The following TLN2 variants were observed in gnomAD, a reference collection of about 807,000 sequenced individuals.
TLN2 encodes the protein talin-2.
In TLN2, 118 loss-of-function variants were observed where a neutral mutation model predicts 294.7. The ratio of observed to expected loss-of-function variants is 0.40; its 90% CI spans 0.34 to 0.47. The LOEUF (loss-of-function observed/expected upper bound fraction) is 0.47. TLN2 is among the 20% of genes least tolerant of loss of function. The pLI, the probability that TLN2 is intolerant of heterozygous loss-of-function variation, is 0.84. For missense variants in TLN2, 3,083 were observed against 3,282.2 expected (o/e 0.94, Z 1.48); for synonymous variants, 1,431 against 1,304.5 (o/e 1.10, Z -2.09).
rs2070764485 is a variant in TLN2, at chr15:62,842,062, T to C, written c.*1452T>C. 1 of 152,146 alleles carries C rather than the reference T, an allele frequency of 6.6e-6. No homozygotes were observed. Among genetic ancestry groups the C allele is most frequent in the Admixed American group, 6.6e-5 (1 of 15,266 alleles). The allele number at this position is 152,146 out of a possible 1,614,324, so 9.4% of individuals were successfully genotyped here. On this transcript the variant is annotated 3_prime_UTR_variant, in exon 59 of 59. Transcript: ENST00000636159. ...CCACTGACGGGGGAAAGTTGGTGCT[T>C]TGGTCCTCCGAAGATGTCACCTTTC...
At chr15:62,676,041 A>G (rs1483880992) in intron 11 of TLN2, among the ~76,000 whole-genome samples, 2 of 152,188 alleles carry the variant, frequency 1.3e-5, no homozygotes, top group Non-Finnish European at 2.9e-5. Flanking sequence ...GCTCTAACTT[A>G]TAGTCAGTCT....
At chr15:62,604,526 A>C (rs1329638418) in intron 2 of TLN2, among the ~76,000 whole-genome samples, 1 of 110,526 alleles carries the variant, frequency 9.0e-6, no homozygotes, top group African/African-American at 4.0e-5. Context: ...CCTTGTCTTA[A>C]AAAAAAAAAA....
chr15:62,800,389 A>G lies in TLN2; in HGVS notation c.6256A>G (p.Lys2086Glu), dbSNP rs1596042121. The change falls in exon 49 of 59, where the codon AAA (lysine) becomes GAA (glutamate). Residue 2086 changes from lysine to glutamate, a missense_variant. By Grantham distance (56) the Lys-to-Glu change is moderately conservative (BLOSUM62 1). Coordinates refer to ENST00000636159, the MANE Select transcript of TLN2 (RefSeq NM_015059.3). ...TCAGGTGGTTTTGATCAATGCCATCAAAGATGTGGCCAAGGCCCTTTCTGA... is the reference window on the plus strand; with the variant it reads ...TCAGGTGGTTTTGATCAATGCCATCGAAGATGTGGCCAAGGCCCTTTCTGA... ...ETQVVLINAI[K>E]DVAKALSDLI... 6.2e-7 allele frequency: 1 copy of G among 1,614,114 alleles called. No individual in the cohort carries two copies. The highest frequency in any genetic ancestry group is 8.5e-7 in the Non-Finnish European group (1 of 1,180,034).
At chr15:62,704,625 A>G (rs1177931041) in intron 19 of TLN2, among the ~76,000 whole-genome samples, 1 of 152,170 alleles carries the variant, frequency 6.6e-6, no homozygotes, top group Non-Finnish European at 1.5e-5. Flanking sequence ...ATGTACAGAC[A>G]TTCGTGTCAT....
In TLN2 at chr15:62,538,406, C is replaced by G. The variant is rs142049767; in HGVS notation, c.-237-51281C>G. Among the ~76,000 whole-genome samples the G allele has an allele frequency of 3.9e-3, 592 of 152,328 alleles. 6 individuals carry two copies. The highest frequency in any genetic ancestry group is 0.014 in the African/African-American group (569 of 41,576). On this transcript the variant is annotated intron_variant, in intron 1 of 58. Coordinates refer to ENST00000636159, the MANE Select transcript of TLN2 (RefSeq NM_015059.3). ...CCACTTCAAACTATTGTCATCAATA[C>G]TTTGCATTGAATGCAATATAATTAC... is the stretch of plus-strand genomic sequence containing the variant.
chr15:62,712,708 G>C (rs1371872566), intron 22 of TLN2, among the ~76,000 whole-genome samples: 1 of 151,900 alleles, frequency 6.6e-6, no homozygotes, highest in Non-Finnish European at 1.5e-5. Flanking sequence ...TGATTCACAA[G>C]GTCACTGGTA....
intron 1 of TLN2, among the ~76,000 whole-genome samples, chr15:62,508,626 A>C (rs952572766): frequency 6.6e-6 from 1 of 152,276 alleles, no homozygotes; most frequent in Non-Finnish European, 1.5e-5. Flanking sequence ...TTAGAGAAAT[A>C]CGATTTATCA....
chr15:62,771,734 A>G (rs970239446), intron 42 of TLN2, among the ~76,000 whole-genome samples: 1 of 152,216 alleles, frequency 6.6e-6, no homozygotes, highest in African/African-American at 2.4e-5. Context: ...TTCTTCAGGA[A>G]TAGTGAGTGG....
intron 1 of TLN2, among the ~76,000 whole-genome samples, chr15:62,540,919 C>T (rs2041646739): frequency 6.6e-6 from 1 of 152,084 alleles, no homozygotes; most frequent in South Asian, 2.1e-4. Flanking sequence ...GAGGTATTTC[C>T]CCAGTCCAAC....
chr15:62,693,643 T>C (rs1014960284), intron 13 of TLN2, among the ~76,000 whole-genome samples: 2 of 151,800 alleles, frequency 1.3e-5, no homozygotes, highest in African/African-American at 4.8e-5. Flanking sequence ...TTATATGCCA[T>C]AGTGGTATAT....
At position 62,450,415 on chromosome 15, in the gene TLN2, A is replaced by G. The variant is rs1403737614; in HGVS notation, c.-238+59730A>G. 5.3e-5 allele frequency among the ~76,000 whole-genome samples: 8 copies of G among 151,654 alleles called. No individual in the cohort carries two copies. The East Asian group carries it at 1.6e-3, about 30-fold the overall frequency. Reference sequence around the variant, plus strand: ...ACTTGTATGTAAATACATATTCAACATAGATAGTCGCCTGTAGGAGATACA... The same window carrying G: ...ACTTGTATGTAAATACATATTCAACGTAGATAGTCGCCTGTAGGAGATACA... On this transcript the variant is annotated intron_variant, in intron 1 of 58. Coordinates refer to ENST00000636159, the MANE Select transcript of TLN2 (RefSeq NM_015059.3).
chr15:62,809,564 A>T (rs1349136610), intron 51 of TLN2, among the ~76,000 whole-genome samples: 1 of 152,230 alleles, frequency 6.6e-6, no homozygotes, highest in East Asian at 1.9e-4. Flanking sequence ...ACCCTAGGTC[A>T]GTACGTCTCC....
Position 62,840,465 on chromosome 15 carries a change from T to C in TLN2, c.7501-17T>C. On this transcript the variant is annotated splice_polypyrimidine_tract_variant and intron_variant, in intron 58 of 58. Transcript: ENST00000636159. Reference sequence around the variant, plus strand: ...TACAAAGTGTTAGGTCCATCCAGCTTGTTGCTTTCTTTCTAGATCATCGCC... The same window carrying C: ...TACAAAGTGTTAGGTCCATCCAGCTCGTTGCTTTCTTTCTAGATCATCGCC... 6.2e-7 allele frequency: 1 copy of C among 1,613,826 alleles called. No homozygotes were observed. The highest frequency in any genetic ancestry group is 2.2e-5 in the East Asian group (1 of 44,866).
chr15:62,666,594 T>C (rs1353439670), intron 9 of TLN2, among the ~76,000 whole-genome samples: 1 of 152,232 alleles, frequency 6.6e-6, no homozygotes, highest in Non-Finnish European at 1.5e-5. Flanking sequence ...AGACCGGTCA[T>C]TACCCAGTCT....
At chr15:62,413,437 A>T (rs1172721228) in intron 1 of TLN2, among the ~76,000 whole-genome samples, 1 of 152,166 alleles carries the variant, frequency 6.6e-6, no homozygotes, top group Non-Finnish European at 1.5e-5. Flanking sequence ...TCTGAAGTGT[A>T]CAAGGCATAA....
chr15:62,625,350 T>G (rs1481127613), intron 3 of TLN2, among the ~76,000 whole-genome samples: 2 of 152,190 alleles, frequency 1.3e-5, no homozygotes, highest in African/African-American at 4.8e-5. Context: ...TGGAGTCCCC[T>G]CCACTAGGGT....
At chr15:62,613,338 A>T (rs1473058699) in intron 2 of TLN2, among the ~76,000 whole-genome samples, 1 of 152,214 alleles carries the variant, frequency 6.6e-6, no homozygotes, top group Admixed American at 6.5e-5. Flanking sequence ...ATTATTTAGA[A>T]TGGTCAACTT....
intron 1 of TLN2, among the ~76,000 whole-genome samples, chr15:62,522,492 A>C (rs1193230513): frequency 6.6e-6 from 1 of 152,202 alleles, no homozygotes; most frequent in Non-Finnish European, 1.5e-5. Flanking sequence ...GTCTGTGCTG[A>C]ATCCTGGCTG....
intron 1 of TLN2, among the ~76,000 whole-genome samples, chr15:62,540,252 A>G (rs1489721870): frequency 6.6e-6 from 1 of 152,152 alleles, no homozygotes; most frequent in East Asian, 1.9e-4. Flanking sequence ...AGGCAGGAGA[A>G]TCGCTTGAAC....
Sources: gnomAD v4.1 joint callset for allele counts (sites outside exome capture counted in the v4.1 genomes callset) on GRCh38, gnomAD v4.1.1 for gene constraint, MANE v1.5 for transcripts, NCBI Gene and HGNC (gene_info 2026-07-23, HGNC 2026-07-21) for gene names.